Variants in LRP1B observed in about 807,000 individuals in gnomAD.
LRP1B encodes the protein LDL receptor related protein 1B.
In LRP1B, 217 loss-of-function variants were observed where a neutral mutation model predicts 556.6. The ratio of observed to expected loss-of-function variants is 0.39; its 90% confidence interval spans 0.35 to 0.44. The LOEUF is 0.44. Ranked by LOEUF, LRP1B falls within the 20% of genes least tolerant of loss-of-function variation. The pLI is 1.00. For synonymous variants in LRP1B, 2,047 were observed against 1,865.8 expected (o/e 1.10, Z -2.50); for missense variants, 5,053 against 5,620.8 (o/e 0.90, Z 3.23).
At chr2:140,638,069 C>T (rs1017303310) in intron 41 of LRP1B, among the ~76,000 whole-genome samples, 2 of 152,166 alleles carry the variant, frequency 1.3e-5, no homozygotes, top group Non-Finnish European at 1.5e-5. Context: ...GTTTGTTACA[C>T]ATTATAATGA....
chr2:140,870,025 C>T (rs1316013317), intron 25 of LRP1B, among the ~76,000 whole-genome samples: 1 of 152,094 alleles, frequency 6.6e-6, no homozygotes, highest in African/African-American at 2.4e-5. Flanking sequence ...GGGAGGGACT[C>T]TCTTTCTGGA....
At chr2:140,397,074 G>A (rs1337375414) in intron 66 of LRP1B, among the ~76,000 whole-genome samples, 13 of 152,146 alleles carry the variant, frequency 8.5e-5, no homozygotes, top group Non-Finnish European at 1.9e-4. Flanking sequence ...GAGATATATG[G>A]AAGATTAGAA....
intron 43 of LRP1B, among the ~76,000 whole-genome samples, chr2:140,560,452 T>C (rs1680889156): frequency 6.6e-6 from 1 of 152,196 alleles, no homozygotes; most frequent in African/African-American, 2.4e-5. Context: ...GTCAAGGTTC[T>C]ATAGGAACTC....
At chr2:140,321,076 T>G (rs1680090488) in intron 82 of LRP1B, among the ~76,000 whole-genome samples, 1 of 152,042 alleles carries the variant, frequency 6.6e-6, no homozygotes, top group African/African-American at 2.4e-5. Context: ...TGAATAAAAT[T>G]AAAATAATTT....
At chr2:141,072,982 C>T (rs1699687410) in intron 7 of LRP1B, among the ~76,000 whole-genome samples, 1 of 152,066 alleles carries the variant, frequency 6.6e-6, no homozygotes, top group Non-Finnish European at 1.5e-5. Flanking sequence ...GCAACTATTT[C>T]CCTTTCTTCT....
At chr2:142,009,056 CA>C (rs1198190075) in intron 1 of LRP1B, among the ~76,000 whole-genome samples, 1 of 152,104 alleles carries the variant, frequency 6.6e-6, no homozygotes, top group Non-Finnish European at 1.5e-5. Flanking sequence ...CATTCCTGGA[CA>C]CTAACTTCTT....
At chr2:140,466,124 CT>C (rs74381027) in intron 60 of LRP1B, among the ~76,000 whole-genome samples, 10,420 of 125,582 alleles carry the variant, frequency 0.083, 416 homozygotes, top group African/African-American at 0.15. Context: ...TTTCTTTTTT[CT>C]TTTTTTTTTT....
chr2:141,042,343 T>C (rs79818502), intron 11 of LRP1B, among the ~76,000 whole-genome samples: 2,062 of 152,182 alleles, frequency 0.014, 49 homozygotes, highest in African/African-American at 0.047. Flanking sequence ...TCTTGTAACA[T>C]GTGCCATGGT....
chr2:140,808,976 T>C (rs1397469335), intron 32 of LRP1B, among the ~76,000 whole-genome samples: 5 of 152,096 alleles, frequency 3.3e-5, no homozygotes, highest in African/African-American at 1.2e-4. Flanking sequence ...CAGGTGACTT[T>C]TTTTTTTCTA....
chr2:140,953,848 T>A (rs1381887828), intron 18 of LRP1B, among the ~76,000 whole-genome samples: 1 of 152,068 alleles, frequency 6.6e-6, no homozygotes, highest in Non-Finnish European at 1.5e-5. Flanking sequence ...GAAAAACAGG[T>A]CTTAGAATTC....
At chr2:142,033,899 G>C (rs1703788415) in intron 1 of LRP1B, among the ~76,000 whole-genome samples, 2 of 151,642 alleles carry the variant, frequency 1.3e-5, no homozygotes, top group African/African-American at 4.8e-5. Context: ...TGTTCAATAG[G>C]CTGCCTTCAC....
rs552185532 is a variant in LRP1B, at chr2:141,058,264, G to C, written c.1408+619C>G. On this transcript the variant is annotated intron_variant, in intron 9 of 90. Transcript: ENST00000389484. ...TTAATGCTTAGATAATTCTAGGCTA[G>C]TTTTAATTTGAAATACAAGTATAAA... 7.5e-4 allele frequency among the ~76,000 whole-genome samples: 114 copies of C among 151,960 alleles called. 2 individuals carry two copies. Among genetic ancestry groups the C allele is most frequent in the Non-Finnish European group, 1.3e-4 (9 of 67,840 alleles).
intron 1 of LRP1B, among the ~76,000 whole-genome samples, chr2:141,977,761 A>C (rs368059848): frequency 7.9e-5 from 12 of 152,194 alleles, no homozygotes; most frequent in South Asian, 6.2e-4. Context: ...AAAACAAAGA[A>C]TAGTTTACTA....
At chr2:140,263,017 C>T (rs572399902) in intron 86 of LRP1B, among the ~76,000 whole-genome samples, 25 of 152,212 alleles carry the variant, frequency 1.6e-4, no homozygotes, top group African/African-American at 5.3e-4. Context: ...TCAACTTCTC[C>T]GGCTCAGGTG....
chr2:141,706,263 A>T (rs1444039868), intron 2 of LRP1B, among the ~76,000 whole-genome samples: 1 of 152,092 alleles, frequency 6.6e-6, no homozygotes, highest in African/African-American at 2.4e-5. Flanking sequence ...GACCTTGCTC[A>T]TGCTGTGCCT....
intron 2 of LRP1B, among the ~76,000 whole-genome samples, chr2:141,787,458 G>T (rs1695463092): frequency 6.6e-6 from 1 of 151,812 alleles, no homozygotes; most frequent in East Asian, 1.9e-4. Flanking sequence ...AATCTCAAAT[G>T]CATTATGCTG....
intron 1 of LRP1B, among the ~76,000 whole-genome samples, chr2:141,852,808 C>CA (rs1470273208): frequency 6.7e-6 from 1 of 148,340 alleles, no homozygotes; most frequent in Non-Finnish European, 1.5e-5. Context: ...TAAAAAAATA[C>CA]AAAAAATTAA....
chr2:140,944,267 T>C (rs1695480373), intron 20 of LRP1B, among the ~76,000 whole-genome samples: 2 of 151,940 alleles, frequency 1.3e-5, no homozygotes, highest in Admixed American at 1.3e-4. Context: ...TGAAGCTGAA[T>C]CAATAATAAA....
At chr2:140,526,719 G>T (rs577813098) in intron 47 of LRP1B, among the ~76,000 whole-genome samples, 130 of 128,928 alleles carry the variant, frequency 1.0e-3, no homozygotes, top group African/African-American at 3.2e-3. Context: ...AAAAAAGAAT[G>T]TTGCTGGAAA....
Sources: gnomAD v4.1 joint callset for allele counts (sites outside exome capture counted in the v4.1 genomes callset) on GRCh38, gnomAD v4.1.1 for gene constraint, MANE v1.5 for transcripts, NCBI Gene and HGNC (gene_info 2026-07-23, HGNC 2026-07-21) for gene names.